ATP8B1: variants seen among roughly 807,000 people sequenced by gnomAD.
ATP8B1 encodes the protein ATPase phospholipid transporting 8B1.
In ATP8B1, 80 loss-of-function variants were observed where a neutral mutation model predicts 149.9. The observed-to-expected ratio is 0.53, with a 90% CI of 0.45 to 0.64. The LOEUF (loss-of-function observed/expected upper bound fraction) is 0.64. Among genes scored for constraint, ATP8B1 ranks in the 30% least tolerant of loss-of-function variants. The pLI is 0.00. For missense variants in ATP8B1, 1,247 were observed against 1,552.6 expected (o/e 0.80, Z 3.31); for synonymous variants, 536 against 562.8 (o/e 0.95, Z 0.67).
intron 1 of ATP8B1, among the ~76,000 whole-genome samples, chr18:57,748,603 CAACA>C (rs1568052796): frequency 6.6e-6 from 1 of 152,112 alleles, no homozygotes; most frequent in Admixed American, 6.6e-5. Context: ...TCCTTAATTC[CAACA>C]AACAGAGGAC....
intron 8 of ATP8B1, among the ~76,000 whole-genome samples, chr18:57,695,778 G>A (rs1034302730): frequency 9.2e-5 from 14 of 152,330 alleles, no homozygotes; most frequent in African/African-American, 2.9e-4. Context: ...GGTTAGGACA[G>A]AGGTACCCAC....
At chr18:57,754,615 T>C (rs764946677) in intron 1 of ATP8B1, among the ~76,000 whole-genome samples, 3 of 152,160 alleles carry the variant, frequency 2.0e-5, no homozygotes, top group African/African-American at 7.2e-5. Flanking sequence ...TCAGTAAATA[T>C]TAGCTGTTGT....
chr18:57,710,533 C>T (rs898606036), intron 2 of ATP8B1, among the ~76,000 whole-genome samples: 1 of 151,870 alleles, frequency 6.6e-6, no homozygotes, highest in South Asian at 2.1e-4. Flanking sequence ...CTGGTTGGTA[C>T]ACACTGCAGC....
chr18:57,659,848 C>CA lies in ATP8B1; in HGVS notation c.2707+1325dup, dbSNP rs1256902507. The stretch of plus-strand genomic sequence containing the variant: ...AAGAAAGAGACAGACTCATGAGTCA[C>CA]AAAATAGACTGAAAAGTCTAGTTAT... On this transcript the variant is annotated intron_variant, in intron 22 of 27. Coordinates refer to ENST00000648908, the MANE Select transcript of ATP8B1 (RefSeq NM_001374385.1). 12 of 152,160 alleles carry CA rather than the reference C, an allele frequency of 7.9e-5. No homozygotes were observed. The East Asian group carries it at 1.4e-3, about 17-fold the overall frequency. The allele number at this position is 152,160 out of a possible 1,614,324, so 9.4% of individuals were successfully genotyped here.
intron 10 of ATP8B1, among the ~76,000 whole-genome samples, chr18:57,694,915 A>G (rs1912726339): frequency 6.6e-6 from 1 of 151,692 alleles, no homozygotes; most frequent in South Asian, 2.1e-4. Context: ...CTATAATCCC[A>G]ACTACTCTGG....
chr18:57,713,187 CTT>C (rs1568207434), intron 2 of ATP8B1, among the ~76,000 whole-genome samples: 2 of 98,310 alleles, frequency 2.0e-5, no homozygotes, highest in African/African-American at 8.6e-5. Context: ...TTCTTTCTTT[CTT>C]TCTTTCTTTC....
intron 2 of ATP8B1, among the ~76,000 whole-genome samples, chr18:57,713,196 T>TTCCTTCCTTCCTTCCTTCCTTCC (rs1913790895): frequency 1.1e-5 from 1 of 89,876 alleles, no homozygotes; most frequent in African/African-American, 3.8e-5. Flanking sequence ...TCTTTCTTTC[T>TTCCTTCCTTCCTTCCTTCCTTCC]TTCCTTCCTT....
At chr18:57,797,243 A>G (rs767671738) in intron 1 of ATP8B1, among the ~76,000 whole-genome samples, 2 of 152,250 alleles carry the variant, frequency 1.3e-5, no homozygotes, top group African/African-American at 2.4e-5. Flanking sequence ...AGCCACCTGC[A>G]CTAAATCAAA....
intron 4 of ATP8B1, among the ~76,000 whole-genome samples, chr18:57,704,085 G>C (rs1913266189): frequency 1.3e-5 from 2 of 151,980 alleles, no homozygotes; most frequent in Non-Finnish European, 2.9e-5. Context: ...TCTTGCCTCA[G>C]TCTCCCGAGT....
chr18:57,744,230 G>T (rs1166389262), intron 1 of ATP8B1, among the ~76,000 whole-genome samples: 20 of 146,582 alleles, frequency 1.4e-4, no homozygotes, highest in Admixed American at 1.2e-3. Context: ...CAGGAGAATC[G>T]CTTGAACCCG....
At chr18:57,662,158 A>G (rs1456606200) in intron 21 of ATP8B1, among the ~76,000 whole-genome samples, 1 of 152,190 alleles carries the variant, frequency 6.6e-6, no homozygotes, top group African/African-American at 2.4e-5. Context: ...TTCAACCTCC[A>G]GAGGAGCTGG....
chr18:57,788,154 C>A (rs181214067), intron 1 of ATP8B1, among the ~76,000 whole-genome samples: 7 of 152,288 alleles, frequency 4.6e-5, no homozygotes, highest in African/African-American at 7.2e-5. Flanking sequence ...ACAACCTGTA[C>A]ATTTTAAAAA....
At chr18:57,746,462 G>A (rs1026961438) in intron 1 of ATP8B1, among the ~76,000 whole-genome samples, 1 of 144,748 alleles carries the variant, frequency 6.9e-6, no homozygotes, top group Non-Finnish European at 1.5e-5. Flanking sequence ...GCCCACTGAT[G>A]CTTACTTTTT....
chr18:57,677,905 A>G (rs1285663454), intron 15 of ATP8B1, among the ~76,000 whole-genome samples: 5 of 152,216 alleles, frequency 3.3e-5, no homozygotes, highest in Admixed American at 2.0e-4. Context: ...TCCCACAAGT[A>G]AGACACTCAT....
At position 57,657,721 on chromosome 18, in the gene ATP8B1, C is replaced by A. The variant is rs200269641; in HGVS notation, c.2708-2304G>T. On this transcript the variant is annotated intron_variant, in intron 22 of 27. Coordinates refer to ENST00000648908, the MANE Select transcript of ATP8B1 (RefSeq NM_001374385.1). ...AAACCATGGCCTTTTCTTTCCTGAA[C>A]AAGCCACTGAGGAAAATGCTGAGAT... Among the ~76,000 whole-genome samples the A allele has an allele frequency of 5.4e-3, 829 of 152,294 alleles. 2 individuals carry two copies. Among genetic ancestry groups the A allele is most frequent in the Non-Finnish European group, 8.2e-3 (557 of 68,026 alleles).
intron 1 of ATP8B1, among the ~76,000 whole-genome samples, chr18:57,778,350 GGA>G (rs1301238690): frequency 6.6e-6 from 1 of 151,234 alleles, no homozygotes; most frequent in Non-Finnish European, 1.5e-5. Context: ...CTCAGTCTCG[GGA>G]GCAGCTGGGA....
chr18:57,795,876 TAAA>T (rs112695967), intron 1 of ATP8B1, among the ~76,000 whole-genome samples: 17 of 133,054 alleles, frequency 1.3e-4, no homozygotes, highest in Admixed American at 9.6e-4. Flanking sequence ...ATTTTACATT[TAAA>T]AAAAAAAAGT....
At chr18:57,756,439 T>C (rs1335167956) in intron 1 of ATP8B1, among the ~76,000 whole-genome samples, 2 of 151,242 alleles carry the variant, frequency 1.3e-5, no homozygotes, top group African/African-American at 2.4e-5. Flanking sequence ...TAGCTGGGAT[T>C]ACAGGCGCCT....
chr18:57,779,707 A>G (rs1339687561), intron 1 of ATP8B1, among the ~76,000 whole-genome samples: 1 of 152,106 alleles, frequency 6.6e-6, no homozygotes, highest in African/African-American at 2.4e-5. Flanking sequence ...AGACCAGCCC[A>G]ACCAACATGG....
Sources: allele counts gnomAD v4.1 joint callset (sites outside exome capture counted in the v4.1 genomes callset), GRCh38; gene constraint gnomAD v4.1.1; transcripts MANE v1.5; gene names NCBI Gene and HGNC (gene_info 2026-07-23, HGNC 2026-07-21).